Variants in WNK2 observed in about 807,000 individuals in gnomAD.
WNK2 encodes the protein WNK lysine deficient protein kinase 2.
A neutral mutation model predicts 192.1 loss-of-function variants in WNK2; 67 were observed. The ratio of observed to expected loss-of-function variants is 0.35; its 90% CI spans 0.29 to 0.43. The LOEUF (loss-of-function observed/expected upper bound fraction) is 0.43. Among genes scored for constraint, WNK2 ranks in the 20% least tolerant of loss-of-function variants. The pLI is 1.00. For missense variants in WNK2, 2,698 were observed against 3,089.7 expected (o/e 0.87, Z 3.01); for synonymous variants, 1,439 against 1,393.9 (o/e 1.03, Z -0.72).
intron 2 of WNK2, among the ~76,000 whole-genome samples, chr9:93,189,731 T>TGGGATC (rs1397510296): frequency 3.3e-5 from 5 of 152,174 alleles, no homozygotes; most frequent in Admixed American, 2.6e-4. Flanking sequence ...CCCGTGCAGG[T>TGGGATC]GGGATCCTTA....
intron 2 of WNK2, among the ~76,000 whole-genome samples, chr9:93,197,747 T>TC (rs1222382906): frequency 1.3e-5 from 2 of 152,182 alleles, no homozygotes; most frequent in African/African-American, 4.8e-5. Flanking sequence ...GGTCTTGAAC[T>TC]CCTGACCTCA....
intron 2 of WNK2, among the ~76,000 whole-genome samples, chr9:93,209,761 G>A (rs868759111): frequency 6.6e-6 from 1 of 152,308 alleles, no homozygotes; most frequent in South Asian, 2.1e-4. Flanking sequence ...GGTGGAGTGC[G>A]TGCTGAAAGT....
At position 93,195,221 on chromosome 9, in the gene WNK2, A is replaced by G. The variant is rs528041315; in HGVS notation, c.681+9611A>G. 1.2e-4 allele frequency among the ~76,000 whole-genome samples: 19 copies of G among 152,302 alleles called. No individual in the cohort carries two copies. The South Asian group carries it at 3.9e-3, about 32-fold the overall frequency. On this transcript the variant is annotated intron_variant, in intron 2 of 29. Transcript: ENST00000427277. ...AATGTTGGATTTTAGTTAATCATCAATATTGGTTCATCAGTTATAACAAGT... is the reference window on the plus strand; with the variant it reads ...AATGTTGGATTTTAGTTAATCATCAGTATTGGTTCATCAGTTATAACAAGT...
At chr9:93,251,615 C>T (rs1588186298) in intron 8 of WNK2, among the ~76,000 whole-genome samples, 1 of 152,150 alleles carries the variant, frequency 6.6e-6, no homozygotes, top group Non-Finnish European at 1.5e-5. Context: ...GAGGCTGAAG[C>T]AGGAGAATTG....
At position 93,252,932 on chromosome 9, in the gene WNK2, G is replaced by A. The variant is rs780636320; in HGVS notation, c.1884G>A (p.Ser628=). The change falls in exon 9 of 30, where the codon TCG becomes TCA. Residue 628 remains serine, a synonymous_variant. Transcript: ENST00000427277. The part of the protein sequence containing the change: ...SGQGSTVYSD[S]QSSQQSVMLG... ...AGGGCTCTACCGTGTACTCAGACTC[G>A]CAGAGCAGCCAGCAGAGCGTGATGC... The A allele has an allele frequency of 5.1e-6, 8 of 1,572,856 alleles. No homozygotes were observed. Among genetic ancestry groups the A allele is most frequent in the South Asian group, 2.3e-5 (2 of 85,292 alleles).
intron 2 of WNK2, among the ~76,000 whole-genome samples, chr9:93,195,699 C>CAAAAA (rs59357990): frequency 0.013 from 543 of 41,520 alleles, 61 homozygotes; most frequent in African/African-American, 0.038. Context: ...GACTTTGTCT[C>CAAAAA]AAAAAAAAAA....
rs779968066 is a variant in WNK2, at chr9:93,308,467, G to A, written c.6399G>A (p.Thr2133=). The change falls in exon 28 of 30, where the codon ACG becomes ACA. Residue 2133 remains threonine (T), a synonymous_variant. Transcript: ENST00000427277. The part of the protein sequence containing the change: ...DDLHKLVDEW[T]SKTVGAAQLK... ...TGCACAAGCTGGTGGACGAGTGGAC[G>A]AGCAAGACGGTGGGGGCCGCGCAGC... The A allele has an allele frequency of 8.7e-6, 14 of 1,610,046 alleles. No individual in the cohort carries two copies. Among genetic ancestry groups the A allele is most frequent in the African/African-American group, 4.0e-5 (3 of 74,856 alleles).
chr9:93,231,730 T>C (rs1462575131), intron 4 of WNK2, among the ~76,000 whole-genome samples: 1 of 152,236 alleles, frequency 6.6e-6, no homozygotes, highest in African/African-American at 2.4e-5. Context: ...ATTTCAGGCC[T>C]CAGTACAGAC....
At chr9:93,202,163 G>T (rs1259373443) in intron 2 of WNK2, among the ~76,000 whole-genome samples, 2 of 152,168 alleles carry the variant, frequency 1.3e-5, no homozygotes, top group Non-Finnish European at 2.9e-5. Context: ...ATACAAGATG[G>T]CTCTGTGTCC....
At chr9:93,285,759 G>A (rs1848360481) in intron 19 of WNK2, among the ~76,000 whole-genome samples, 1 of 152,168 alleles carries the variant, frequency 6.6e-6, no homozygotes, top group Non-Finnish European at 1.5e-5. Flanking sequence ...TCTAGGGGAA[G>A]GATACCATTC....
rs536608822 is a variant in WNK2, at chr9:93,236,831, C to T, written c.1234-1402C>T. Among the ~76,000 whole-genome samples, 7 of 152,350 alleles carry T rather than the reference C, an allele frequency of 4.6e-5. No individual in the cohort carries two copies. The South Asian group carries it at 1.2e-3, about 27-fold the overall frequency. ...AAGCCCAGGTGTGGTTAGAAAGGCC[C>T]GGCTCTGTAGGAGGCATCCCATCCA... On this transcript the variant is annotated intron_variant, in intron 5 of 29. Transcript: ENST00000427277.
chr9:93,282,006 C>G (rs1847817355), intron 19 of WNK2, among the ~76,000 whole-genome samples: 1 of 151,990 alleles, frequency 6.6e-6, no homozygotes, highest in African/African-American at 2.4e-5. Context: ...ACAATGACTG[C>G]AGATGAAAGG....
chr9:93,291,540 C>T (rs1466798772), intron 21 of WNK2, among the ~76,000 whole-genome samples: 2 of 152,106 alleles, frequency 1.3e-5, no homozygotes, highest in Non-Finnish European at 2.9e-5. Flanking sequence ...CTTGGGGACA[C>T]GTGACAGGGA....
intron 23 of WNK2, among the ~76,000 whole-genome samples, chr9:93,296,552 C>T: frequency 1.9e-5 from 1 of 52,198 alleles, no homozygotes; most frequent in African/African-American, 8.9e-5. Flanking sequence ...ATGCTCCCCT[C>T]TCCATCCTCC....
chr9:93,245,344 G>T (rs1378947223), intron 7 of WNK2, among the ~76,000 whole-genome samples: 2 of 152,194 alleles, frequency 1.3e-5, no homozygotes, highest in African/African-American at 4.8e-5. Context: ...CAGGTCCCCA[G>T]TTGTCCCAGT....
chr9:93,258,837 C>T (rs1010459613), intron 11 of WNK2, 94 bp from the exon 12 acceptor site: 6 of 1,124,360 alleles, frequency 5.3e-6, no homozygotes, highest in South Asian at 1.4e-5. Context: ...CGTGTCCCCT[C>T]GTCCCCAATG....
At chr9:93,213,228 A>G (rs1835107475) in intron 2 of WNK2, among the ~76,000 whole-genome samples, 1 of 152,154 alleles carries the variant, frequency 6.6e-6, no homozygotes, top group Non-Finnish European at 1.5e-5. Flanking sequence ...GAAGCTGGAC[A>G]GTTGAGGAGG....
chr9:93,243,312 C>T (rs1841096446), intron 7 of WNK2, among the ~76,000 whole-genome samples: 1 of 152,114 alleles, frequency 6.6e-6, no homozygotes, highest in South Asian at 2.1e-4. Flanking sequence ...CCCCGCCCTC[C>T]TGCAGGGTCA....
intron 5 of WNK2, among the ~76,000 whole-genome samples, chr9:93,237,561 G>GTT (rs1840038011): frequency 1.3e-5 from 2 of 152,188 alleles, no homozygotes; most frequent in East Asian, 3.8e-4. Context: ...TCTGTAAAGA[G>GTT]TTTTAACCTG....
Sources: allele counts gnomAD v4.1 joint callset (sites outside exome capture counted in the v4.1 genomes callset), GRCh38; gene constraint gnomAD v4.1.1; transcripts MANE v1.5; gene names NCBI Gene and HGNC (gene_info 2026-07-23, HGNC 2026-07-21).